MLLT1: variants seen among roughly 807,000 people sequenced by gnomAD.
The protein encoded by MLLT1 is MLLT1 super elongation complex subunit, also known as protein ENL.
Under a neutral mutation model 55.1 loss-of-function variants are expected in MLLT1, and 11 were observed. The ratio of observed to expected loss-of-function variants is 0.20; its 90% CI spans 0.13 to 0.33. The LOEUF is 0.33. Among genes scored for constraint, MLLT1 ranks in the 10% least tolerant of loss-of-function variants. MLLT1 has a pLI of 1.00. For missense variants in MLLT1, 536 were observed against 760.6 expected (o/e 0.70, Z 3.47); for synonymous variants, 323 against 320.1 (o/e 1.01, Z -0.10).
intron 3 of MLLT1, among the ~76,000 whole-genome samples, chr19:6,242,038 T>C (rs2091118532): frequency 6.6e-6 from 1 of 152,210 alleles, no homozygotes; most frequent in African/African-American, 2.4e-5. Context: ...GCAGAAGCGT[T>C]GCTCCGCTTC....
intron 3 of MLLT1, among the ~76,000 whole-genome samples, chr19:6,238,988 A>T (rs757292668): frequency 6.6e-6 from 1 of 152,244 alleles, no homozygotes; most frequent in Non-Finnish European, 1.5e-5. Flanking sequence ...ACACTCCAGG[A>T]GGGCATCACT....
chr19:6,243,474 TG>T (rs2091135045), intron 3 of MLLT1, among the ~76,000 whole-genome samples: 1 of 152,204 alleles, frequency 6.6e-6, no homozygotes, highest in Admixed American at 6.5e-5. Context: ...CAGAACATCA[TG>T]GGACAGGCGT....
chr19:6,278,297 G>A (rs1030048985), intron 1 of MLLT1, among the ~76,000 whole-genome samples: 8 of 152,220 alleles, frequency 5.3e-5, no homozygotes, highest in African/African-American at 1.9e-4. Context: ...TTGAGGAAGA[G>A]GGGTAGGGGC....
rs1401944466 is a variant in MLLT1, at chr19:6,220,304, C to A, written c.1110+1817G>T. 2.0e-5 allele frequency among the ~76,000 whole-genome samples: 3 copies of A among 152,242 alleles called. No individual in the cohort carries two copies. The East Asian group carries it at 5.8e-4, about 29-fold the overall frequency. ...TAGCAGCCTGGGCTTCGGTGAAGCC[C>A]CCGGGGGAAGAGGCGTCAGGGACTC... On this transcript the variant is annotated intron_variant, in intron 6 of 11. Transcript: ENST00000252674.
rs2090915864 is a variant in MLLT1, at chr19:6,222,805, G to C, written c.547-121C>G. The C allele has an allele frequency of 5.3e-6, 4 of 757,162 alleles. No homozygotes were observed. The highest frequency in any genetic ancestry group is 7.7e-6 in the Non-Finnish European group (4 of 518,132). 46.9% of individuals were successfully genotyped at this position (757,162 alleles called of 1,614,324 possible). A position where few individuals can be genotyped will look rare whatever the true frequency, so the allele number is the denominator to read the frequency against. ...AATCCACCTGATTCAGCCTCAGCTA[G>C]AGAAACTCTTCCATAAAGCAAAAAG... On this transcript the variant is annotated intron_variant, in intron 5 of 11. Transcript: ENST00000252674. This position sits in a 1 kb window ranked among gnomAD's most constrained non-coding sequence, Gnocchi z 4.1.
rs1206210263 is a variant in MLLT1, at chr19:6,265,057, C to CAA, written c.194-2749_194-2748dup. ...GAACAGCAAAAAAAAAACAAAAAAA[C>CAA]AAAAAAACAAAAAAAAACATGATGT... On this transcript the variant is annotated intron_variant, in intron 2 of 11. Coordinates refer to ENST00000252674, the MANE Select transcript of MLLT1 (RefSeq NM_005934.4). Among the ~76,000 whole-genome samples, 109 of 32,610 alleles carry CAA rather than the reference C, an allele frequency of 3.3e-3. 6 individuals are homozygous for CAA. The highest frequency in any genetic ancestry group is 9.4e-3 in the African/African-American group (99 of 10,558). 21.4% of individuals were successfully genotyped at this position (32,610 alleles called of 152,430 possible). A position where few individuals can be genotyped will look rare whatever the true frequency, so the allele number is the denominator to read the frequency against.
chr19:6,255,223 T>C (rs2091248412), intron 3 of MLLT1, among the ~76,000 whole-genome samples: 1 of 152,204 alleles, frequency 6.6e-6, no homozygotes, highest in Admixed American at 6.5e-5. Context: ...CCAGGCACAG[T>C]GGCTCATGCC....
chr19:6,222,905 G>T lies in MLLT1; in HGVS notation c.547-221C>A, dbSNP rs2090916932. Reference sequence around the variant, plus strand: ...AGGAAGTGTCAGCTGGTCCCCGGCAGCTGCAGGCTAAGATTCCCCTCAGAA... The same window carrying T: ...AGGAAGTGTCAGCTGGTCCCCGGCATCTGCAGGCTAAGATTCCCCTCAGAA... On this transcript the variant is annotated intron_variant, in intron 5 of 11. Coordinates refer to ENST00000252674, the MANE Select transcript of MLLT1 (RefSeq NM_005934.4). This position sits in a 1 kb window ranked among gnomAD's most constrained non-coding sequence, Gnocchi z 4.1. 6.6e-6 allele frequency among the ~76,000 whole-genome samples: 1 copy of T among 152,232 alleles called. No homozygotes were observed. The highest frequency in any genetic ancestry group is 1.5e-5 in the Non-Finnish European group (1 of 68,036).
intron 4 of MLLT1, among the ~76,000 whole-genome samples, chr19:6,228,036 G>C (rs1421754055): frequency 6.6e-6 from 1 of 152,220 alleles, no homozygotes; most frequent in African/African-American, 2.4e-5. Context: ...ATGTCATGCG[G>C]CCATGGGGAC....
chr19:6,212,750 C>G lies in MLLT1; in HGVS notation c.*292G>C, dbSNP rs761964406. 6.5e-4 allele frequency: 714 copies of G among 1,096,792 alleles called. No homozygotes were observed. The highest frequency in any genetic ancestry group is 7.9e-4 in the Non-Finnish European group (686 of 865,990). The allele number at this position is 1,096,792 out of a possible 1,614,324, so 67.9% of individuals were successfully genotyped here. A position where few individuals can be genotyped will look rare whatever the true frequency, so the allele number is the denominator to read the frequency against. ...GGTCCCAAGGCTGGGCGAGGGGCCC[C>G]CGGCCCTGTCTCTGCCCAGAGCTGC... On this transcript the variant is annotated 3_prime_UTR_variant, in exon 12 of 12. Transcript: ENST00000252674.
chr19:6,277,479 AG>A (rs1179976739), intron 1 of MLLT1, among the ~76,000 whole-genome samples: 1 of 152,156 alleles, frequency 6.6e-6, no homozygotes, highest in African/African-American at 2.4e-5. Context: ...GAGGAACTGA[AG>A]TTGTCATTCG....
intron 10 of MLLT1, 73 bp downstream of exon 10, chr19:6,213,653 G>T: frequency 7.0e-7 from 1 of 1,431,918 alleles, no homozygotes; most frequent in African/African-American, 1.4e-5. Context: ...GGGCTCTGGG[G>T]TCCTCCACTG....
Position 6,262,211 on chromosome 19 carries a change from C to T in MLLT1, c.276+17G>A. ...CCCACAGAGAGGCATCCTGCTTGCT[C>T]CCCTCAGGGATCCTACCTTGTTTTT... is the stretch of plus-strand genomic sequence containing the variant. On this transcript the variant is annotated intron_variant, in intron 3 of 11. Transcript: ENST00000252674. This position sits in a 1 kb window ranked among gnomAD's most constrained non-coding sequence, Gnocchi z 4.4. 6.2e-7 allele frequency: 1 copy of T among 1,609,870 alleles called. No homozygotes were observed. Among genetic ancestry groups the T allele is most frequent in the Non-Finnish European group, 8.5e-7 (1 of 1,176,388 alleles).
At position 6,235,914 on chromosome 19, in the gene MLLT1, G is replaced by C. The variant is rs1274253842; in HGVS notation, c.277-5201C>G. ...TATCCCGGCCTGCTGCTGTCCCCAG[G>C]CACAGAGCACAGCTCACTCTCTGCC... On this transcript the variant is annotated intron_variant, in intron 3 of 11. Transcript: ENST00000252674. The surrounding 1 kb of genome is among the most constrained non-coding windows in gnomAD (Gnocchi z 5.5). Among the ~76,000 whole-genome samples the C allele has an allele frequency of 6.6e-6, 1 of 152,134 alleles. No individual in the cohort carries two copies. The highest frequency in any genetic ancestry group is 1.5e-5 in the Non-Finnish European group (1 of 68,000).
Position 6,231,384 on chromosome 19 carries a change from T to C in MLLT1, c.277-671A>G, listed in dbSNP as rs557152705. Among the ~76,000 whole-genome samples the C allele has an allele frequency of 4.6e-5, 7 of 152,200 alleles. No homozygotes were observed. Among genetic ancestry groups the C allele is most frequent in the Non-Finnish European group, 1.0e-4 (7 of 68,010 alleles). ...AAGGGCTGTGAGTGAGGGGCTGTGA[T>C]GAATACAGAAAGGCCAGGAGGGCTC... On this transcript the variant is annotated intron_variant, in intron 3 of 11. Transcript: ENST00000252674. This position sits in a 1 kb window ranked among gnomAD's most constrained non-coding sequence, Gnocchi z 5.1.
At chr19:6,236,235 C>T (rs999229103) in intron 3 of MLLT1, among the ~76,000 whole-genome samples, 1 of 152,170 alleles carries the variant, frequency 6.6e-6, no homozygotes, top group Non-Finnish European at 1.5e-5. Context: ...CCAACTGTAC[C>T]GTGTCACAGT....
At chr19:6,261,633 C>T (rs911726975) in intron 3 of MLLT1, among the ~76,000 whole-genome samples, 1 of 133,928 alleles carries the variant, frequency 7.5e-6, no homozygotes, top group Non-Finnish European at 1.6e-5. Context: ...TTGTTTTAAT[C>T]ATTAGGCCAA....
rs193233218 is a variant in MLLT1, at chr19:6,260,048, G to A, written c.276+2180C>T. On this transcript the variant is annotated intron_variant, in intron 3 of 11. Transcript: ENST00000252674. ...CTGGCACCACGCTTGGGGCCTTCCAGAGGAACCAGGCAACAGGAGCTCTAG... is the reference window on the plus strand; with the variant it reads ...CTGGCACCACGCTTGGGGCCTTCCAAAGGAACCAGGCAACAGGAGCTCTAG... Among the ~76,000 whole-genome samples, 46 of 152,314 alleles carry A rather than the reference G, an allele frequency of 3.0e-4. 1 individual carries two copies. The highest frequency in any genetic ancestry group is 9.7e-4 in the East Asian group (5 of 5,174).
intron 5 of MLLT1, among the ~76,000 whole-genome samples, chr19:6,225,758 C>T (rs1186252666): frequency 5.9e-5 from 9 of 152,210 alleles, no homozygotes; most frequent in African/African-American, 1.7e-4. Flanking sequence ...CCCCAGCAGA[C>T]GCAGCCCCGC....
Sources: allele counts gnomAD v4.1 joint callset (sites outside exome capture counted in the v4.1 genomes callset), GRCh38; gene constraint gnomAD v4.1.1; non-coding constraint Gnocchi (gnomAD v3.1); transcripts MANE v1.5; gene names NCBI Gene and HGNC (gene_info 2026-07-23, HGNC 2026-07-21).